Variants in MAPK8 observed in about 807,000 individuals in gnomAD.
The protein encoded by MAPK8 is JUN N-terminal kinase.
Under a neutral mutation model 52.9 loss-of-function variants are expected in MAPK8, and 13 were observed. The observed-to-expected ratio is 0.25, with a 90% CI of 0.16 to 0.39. MAPK8 has a LOEUF of 0.39. Among genes scored for constraint, MAPK8 ranks in the 10% least tolerant of loss-of-function variants. The pLI is 1.00. For synonymous variants in MAPK8, 191 were observed against 169.8 expected (o/e 1.12, Z -0.97); for missense variants, 300 against 519.2 (o/e 0.58, Z 4.10).
intron 1 of MAPK8, among the ~76,000 whole-genome samples, chr10:48,387,043 G>T (rs951980721): frequency 1.8e-4 from 28 of 152,198 alleles, no homozygotes; most frequent in African/African-American, 6.8e-4. Flanking sequence ...GCATCATTTT[G>T]TGGTTAGAAT....
At chr10:48,339,217 G>A (rs1844993179) in intron 1 of MAPK8, among the ~76,000 whole-genome samples, 1 of 152,056 alleles carries the variant, frequency 6.6e-6, no homozygotes, top group African/African-American at 2.4e-5. Flanking sequence ...AAAATAGCAC[G>A]GAATTGGTAC....
At chr10:48,389,279 G>C (rs1448267172) in intron 1 of MAPK8, among the ~76,000 whole-genome samples, 6 of 152,162 alleles carry the variant, frequency 3.9e-5, no homozygotes, top group Non-Finnish European at 8.8e-5. Flanking sequence ...AAAATGATGT[G>C]AGTTAGGGTT....
At chr10:48,408,341 A>G (rs931785450) in intron 3 of MAPK8, among the ~76,000 whole-genome samples, 2 of 152,250 alleles carry the variant, frequency 1.3e-5, no homozygotes, top group Non-Finnish European at 2.9e-5. Flanking sequence ...GGGACAAAGT[A>G]GAGAGAATAG....
At position 48,391,631 on chromosome 10, in the gene MAPK8, C is replaced by T. The variant is rs558779540; in HGVS notation, c.-49-9981C>T. 4.6e-5 allele frequency among the ~76,000 whole-genome samples: 7 copies of T among 152,240 alleles called. No individual in the cohort carries two copies. The South Asian group carries it at 1.2e-3, about 27-fold the overall frequency. ...GGGAGTTCCCCACACACCAAGCAAGCGATCAGTTTTGCAGCAGATGCCTGC... is the reference window on the plus strand; with the variant it reads ...GGGAGTTCCCCACACACCAAGCAAGTGATCAGTTTTGCAGCAGATGCCTGC... On this transcript the variant is annotated intron_variant, in intron 1 of 11. Coordinates refer to ENST00000374189, the MANE Select transcript of MAPK8 (RefSeq NM_001323329.2).
rs1218097957 is a variant in MAPK8, at chr10:48,403,984, C to T, written c.123-868C>T. Among the ~76,000 whole-genome samples, 40 of 143,218 alleles carry T rather than the reference C, an allele frequency of 2.8e-4. 1 individual carries two copies. The highest frequency in any genetic ancestry group is 7.7e-3 in the Middle Eastern group (2 of 260). The allele number at this position is 143,218 out of a possible 152,430, so 94.0% of individuals were successfully genotyped here. On this transcript the variant is annotated intron_variant, in intron 2 of 11. Transcript: ENST00000374189. ...ATTTTTAGTAGAGACAGGGTTTCAC[C>T]ATGTTAGCCGGGATGGTCTCGATCT...
At chr10:48,371,147 A>G (rs1848497216) in intron 1 of MAPK8, among the ~76,000 whole-genome samples, 1 of 152,112 alleles carries the variant, frequency 6.6e-6, no homozygotes, top group South Asian at 2.1e-4. Flanking sequence ...ATGATGTATT[A>G]TTATATGTGA....
chr10:48,411,113 A>G (rs1032471582), intron 5 of MAPK8, among the ~76,000 whole-genome samples: 8 of 152,202 alleles, frequency 5.3e-5, no homozygotes, highest in African/African-American at 1.9e-4. Context: ...TTAATGCACA[A>G]AAACTATAAT....
At chr10:48,378,200 C>T (rs941053795) in intron 1 of MAPK8, among the ~76,000 whole-genome samples, 2 of 152,278 alleles carry the variant, frequency 1.3e-5, no homozygotes, top group African/African-American at 4.8e-5. Flanking sequence ...GTCTCACTCC[C>T]AGGTAGTGCT....
At chr10:48,424,495 C>A in intron 7 of MAPK8, 1 of 1,495,060 alleles carries the variant, frequency 6.7e-7, no homozygotes, top group Non-Finnish European at 9.1e-7. Context: ...ATGTTAATGT[C>A]ATTGCATTTT....
At chr10:48,382,213 C>T (rs1185431112) in intron 1 of MAPK8, among the ~76,000 whole-genome samples, 2 of 152,116 alleles carry the variant, frequency 1.3e-5, no homozygotes, top group African/African-American at 2.4e-5. Flanking sequence ...AAAGCCTAAA[C>T]CTTTCTGACC....
chr10:48,390,295 A>G (rs1265223036), intron 1 of MAPK8, among the ~76,000 whole-genome samples: 1 of 152,200 alleles, frequency 6.6e-6, no homozygotes, highest in Non-Finnish European at 1.5e-5. Context: ...TATCCAAAAC[A>G]CCTTCACAGA....
rs371506430 is a variant in MAPK8 at position 48,433,959 on chromosome 10, TGA to T, written c.1139-924_1139-923del. On this transcript the variant is annotated intron_variant, in intron 11 of 11. Transcript: ENST00000374189. The stretch of plus-strand genomic sequence containing the variant: ...TAACTTGCATTATTCCAATTTGGAA[TGA>T]CCCTTATTTAGTGTTCATGTGGTTC... Among the ~76,000 whole-genome samples, 98 of 152,356 alleles carry T rather than the reference TGA, an allele frequency of 6.4e-4. 1 individual carries two copies. In the East Asian group the frequency reaches 0.017, roughly 27 times the overall value.
At chr10:48,382,920 G>GTA (rs1334354126) in intron 1 of MAPK8, among the ~76,000 whole-genome samples, 134 of 42,634 alleles carry the variant, frequency 3.1e-3, no homozygotes, top group South Asian at 5.4e-3. Flanking sequence ...ATATATATAT[G>GTA]TATATATATA....
At chr10:48,398,180 G>A (rs1012508235) in intron 1 of MAPK8, among the ~76,000 whole-genome samples, 3 of 151,940 alleles carry the variant, frequency 2.0e-5, no homozygotes, top group African/African-American at 4.8e-5. Flanking sequence ...TTAAGAAAAT[G>A]GAAAGGCAAG....
At chr10:48,401,519 T>C (rs2042157957) in intron 1 of MAPK8, 93 bp from the exon 2 acceptor site, 1 of 701,400 alleles carries the variant, frequency 1.4e-6, no homozygotes, top group Non-Finnish European at 2.3e-6. Flanking sequence ...TCTAGCAGTC[T>C]GTGTTACTAT....
At chr10:48,363,037 C>T (rs112519016) in intron 1 of MAPK8, among the ~76,000 whole-genome samples, 10 of 152,196 alleles carry the variant, frequency 6.6e-5, no homozygotes, top group Non-Finnish European at 1.2e-4. Flanking sequence ...CCACACCTAG[C>T]GTGGTATTTA....
At chr10:48,397,102 T>G (rs895878720) in intron 1 of MAPK8, among the ~76,000 whole-genome samples, 7 of 151,874 alleles carry the variant, frequency 4.6e-5, no homozygotes, top group Admixed American at 1.3e-4. Context: ...GAAATTTTCC[T>G]CAGATTTCAA....
Position 48,391,440 on chromosome 10 carries a change from C to G in MAPK8, c.-49-10172C>G, listed in dbSNP as rs568528688. ...CCTTCTCACACATACTCTTGCTGTT[C>G]AAGCTTCATGATGGAGAGATCAGTA... is the stretch of plus-strand genomic sequence containing the variant. On this transcript the variant is annotated intron_variant, in intron 1 of 11. Transcript: ENST00000374189. 3.3e-5 allele frequency among the ~76,000 whole-genome samples: 5 copies of G among 152,258 alleles called. No individual in the cohort carries two copies. The South Asian group carries it at 1.0e-3, about 32-fold the overall frequency.
At chr10:48,431,501 G>A (rs1252375500) in intron 11 of MAPK8, among the ~76,000 whole-genome samples, 1 of 152,134 alleles carries the variant, frequency 6.6e-6, no homozygotes, top group Non-Finnish European at 1.5e-5. Context: ...CTGAAGAACA[G>A]AAATTTAAAA....
Sources: gnomAD v4.1 joint callset for allele counts (sites outside exome capture counted in the v4.1 genomes callset) on GRCh38, gnomAD v4.1.1 for gene constraint, MANE v1.5 for transcripts, NCBI Gene and HGNC (gene_info 2026-07-23, HGNC 2026-07-21) for gene names.